The following VPS35L variants were observed in gnomAD, a reference collection of about 807,000 sequenced individuals.
VPS35L encodes VPS35 endosomal protein-sorting factor-like.
VPS35L carries 83 observed loss-of-function variants against 133.0 expected under a neutral mutation model. That is an observed-to-expected ratio of 0.62 (90% confidence interval 0.52 to 0.75). The LOEUF is 0.75. VPS35L is among the 30% of genes least tolerant of loss of function. The pLI, the probability that VPS35L is intolerant of heterozygous loss-of-function variation, is 0.00. For missense variants in VPS35L, 1,083 were observed against 1,206.8 expected (o/e 0.90, Z 1.52); for synonymous variants, 423 against 449.9 (o/e 0.94, Z 0.76).
At chr16:19,687,437 C>G (rs1483435418) in intron 28 of VPS35L, among the ~76,000 whole-genome samples, 1 of 152,220 alleles carries the variant, frequency 6.6e-6, no homozygotes, top group African/African-American at 2.4e-5. Flanking sequence ...CTGCCGTCCC[C>G]CACTGGGGAG....
intron 9 of VPS35L, among the ~76,000 whole-genome samples, chr16:19,603,574 G>A (rs749646009): frequency 7.2e-5 from 11 of 152,048 alleles, no homozygotes; most frequent in Admixed American, 6.6e-4. Flanking sequence ...ACGCCACTGC[G>A]TCACACCTGT....
intron 29 of VPS35L, among the ~76,000 whole-genome samples, chr16:19,691,752 A>G (rs1053584048): frequency 6.6e-6 from 1 of 151,832 alleles, no homozygotes. Flanking sequence ...AGGAGCCACC[A>G]CCACCTGCAT....
Position 19,594,639 on chromosome 16 carries a change from C to T in VPS35L, c.724+2765C>T, listed in dbSNP as rs1489261910. Among the ~76,000 whole-genome samples, 43 of 59,090 alleles carry T rather than the reference C, an allele frequency of 7.3e-4. No homozygotes were observed. In the East Asian group the frequency reaches 0.015, roughly 20 times the overall value. 38.8% of individuals were successfully genotyped at this position (59,090 alleles called of 152,430 possible). A position where few individuals can be genotyped will look rare whatever the true frequency, so the allele number is the denominator to read the frequency against. ...AGCCTGTGCCACAGAGCTGAGATTT[C>T]GTCTCAAAAAAAAAAAAAAAAAAAA... On this transcript the variant is annotated intron_variant, in intron 8 of 30. Transcript: ENST00000417362.
chr16:19,646,572 G>A (rs561595516), intron 23 of VPS35L, among the ~76,000 whole-genome samples: 2 of 152,174 alleles, frequency 1.3e-5, no homozygotes, highest in African/African-American at 4.8e-5. Flanking sequence ...GGCTGAGGCA[G>A]GAGAATCGCT....
chr16:19,659,259 T>G (rs1243559575), intron 26 of VPS35L, among the ~76,000 whole-genome samples: 3 of 152,194 alleles, frequency 2.0e-5, no homozygotes, highest in Non-Finnish European at 4.4e-5. Context: ...TATGTCATCC[T>G]GTAGTATCTC....
In VPS35L at chr16:19,575,029, C is replaced by T. The variant is rs1971487212; in HGVS notation, c.409-69C>T. 37 of 1,318,774 alleles carry T rather than the reference C, an allele frequency of 2.8e-5. No homozygotes were observed. The South Asian group carries it at 5.0e-4, about 18-fold the overall frequency. 81.7% of individuals were successfully genotyped at this position (1,318,774 alleles called of 1,614,324 possible). On this transcript the variant is annotated intron_variant, in intron 4 of 30. Coordinates refer to ENST00000417362, the MANE Select transcript of VPS35L (RefSeq NM_020314.7). ...TTCTTTCTCTTGGGTATGTAAATGG[C>T]TCTGTTGGAAAACAATGAACATACT...
At chr16:19,629,986 T>A (rs1443693763) in intron 18 of VPS35L, among the ~76,000 whole-genome samples, 166 bp downstream of exon 18, 2 of 152,236 alleles carry the variant, frequency 1.3e-5, no homozygotes, top group Non-Finnish European at 2.9e-5. Flanking sequence ...TTAATATGTG[T>A]ACTATAACAA....
chr16:19,695,573 G>A (rs1324421741), intron 29 of VPS35L, among the ~76,000 whole-genome samples: 4 of 152,108 alleles, frequency 2.6e-5, no homozygotes, highest in African/African-American at 9.7e-5. Context: ...CAACACTTTG[G>A]GAGGCTGGGG....
intron 15 of VPS35L, among the ~76,000 whole-genome samples, chr16:19,626,454 A>G (rs756166705): frequency 6.6e-6 from 1 of 152,160 alleles, no homozygotes; most frequent in African/African-American, 2.4e-5. Flanking sequence ...CTTCATCTGT[A>G]AAACGGGAGT....
At chr16:19,558,088 G>T (rs1351168963) in intron 1 of VPS35L, among the ~76,000 whole-genome samples, 1 of 152,092 alleles carries the variant, frequency 6.6e-6, no homozygotes, top group East Asian at 1.9e-4. Context: ...AAAGTTAAAG[G>T]GACTGAGTTT....
chr16:19,649,952 T>C (rs1465551858), intron 24 of VPS35L, among the ~76,000 whole-genome samples: 1 of 152,208 alleles, frequency 6.6e-6, no homozygotes, highest in African/African-American at 2.4e-5. Context: ...CTACTATCAT[T>C]ATTGTTCTTA....
At chr16:19,646,724 G>T (rs1227038653) in intron 23 of VPS35L, among the ~76,000 whole-genome samples, 2 of 152,086 alleles carry the variant, frequency 1.3e-5, no homozygotes, top group Non-Finnish European at 2.9e-5. Flanking sequence ...GCAATCTGTG[G>T]GTCAAAGCAA....
intron 1 of VPS35L, among the ~76,000 whole-genome samples, chr16:19,558,505 C>A (rs535839065): frequency 2.2e-4 from 33 of 152,282 alleles, no homozygotes; most frequent in African/African-American, 7.9e-4. Context: ...CCCAGGAATG[C>A]CTCTTTTTAC....
At chr16:19,683,540 A>G (rs1285524551) in intron 28 of VPS35L, among the ~76,000 whole-genome samples, 1 of 152,182 alleles carries the variant, frequency 6.6e-6, no homozygotes, top group Admixed American at 6.5e-5. Context: ...TACAAGTGAG[A>G]ACATGGCGGT....
intron 26 of VPS35L, chr16:19,652,401 CT>C: frequency 9.2e-6 from 2 of 218,260 alleles, no homozygotes; most frequent in South Asian, 1.5e-4. Flanking sequence ...AACTCCTGGG[CT>C]CAAATGTTCC....
At chr16:19,683,740 C>T (rs1210884254) in intron 28 of VPS35L, among the ~76,000 whole-genome samples, 3 of 152,174 alleles carry the variant, frequency 2.0e-5, no homozygotes, top group East Asian at 1.9e-4. Flanking sequence ...TTTGCTATTG[C>T]GAATAGTGCT....
chr16:19,587,542 G>A, intron 7 of VPS35L: 1 of 237,590 alleles, frequency 4.2e-6, no homozygotes, highest in Non-Finnish European at 8.6e-6. Flanking sequence ...GTTGAGGCAG[G>A]AGAATCACTT....
intron 5 of VPS35L, 61 bp downstream of exon 5, chr16:19,575,183 T>G (rs1438147800): frequency 6.6e-7 from 1 of 1,520,072 alleles, no homozygotes; most frequent in African/African-American, 1.4e-5. Flanking sequence ...AGTATAATTT[T>G]ACAAAGGAAA....
chr16:19,584,672 A>T (rs1971811478), intron 7 of VPS35L, among the ~76,000 whole-genome samples: 1 of 151,000 alleles, frequency 6.6e-6, no homozygotes, highest in South Asian at 2.1e-4. Flanking sequence ...TATTCTTATC[A>T]GCATTTTTTT....
Sources: allele counts gnomAD v4.1 joint callset (sites outside exome capture counted in the v4.1 genomes callset), GRCh38; gene constraint gnomAD v4.1.1; transcripts MANE v1.5; gene names NCBI Gene and HGNC (gene_info 2026-07-23, HGNC 2026-07-21).